The following HIF3A variants were observed in gnomAD, a reference collection of about 807,000 sequenced individuals.
The protein encoded by HIF3A is hypoxia inducible factor 3 subunit alpha, also known as hypoxia-inducible factor 3-alpha.
In HIF3A, 41 loss-of-function variants were observed where a neutral mutation model predicts 67.2. That is an observed-to-expected ratio of 0.61 (90% CI 0.48 to 0.79). The LOEUF is 0.79. HIF3A is among the 30% of genes least tolerant of loss of function. The probability of loss-of-function intolerance (pLI) is 0.00; values close to 1 mark genes in which losing one functional copy is unlikely to be tolerated. For synonymous variants in HIF3A, 356 were observed against 374.8 expected, an observed-to-expected ratio of 0.95 and a Z score of 0.58; for missense variants, 855 against 898.0, an observed-to-expected ratio of 0.95 and a Z score of 0.61.
chr19:46,334,414 TG>T (rs1971467886), intron 13 of HIF3A, among the ~76,000 whole-genome samples: 1 of 152,110 alleles, frequency 6.6e-6, no homozygotes, highest in South Asian at 2.1e-4. Context: ...TAAATTTTTT[TG>T]TAGAGATAGG....
intron 5 of HIF3A, 107 bp downstream of exon 5, chr19:46,308,882 T>G: frequency 1.3e-6 from 1 of 780,280 alleles, no homozygotes; most frequent in Non-Finnish European, 2.1e-6. Flanking sequence ...CTGGGGACCC[T>G]GCGGGGCTCA....
At chr19:46,319,745 G>A (rs73940669) in intron 8 of HIF3A, among the ~76,000 whole-genome samples, 2 of 151,872 alleles carry the variant, frequency 1.3e-5, no homozygotes, top group East Asian at 3.9e-4. Flanking sequence ...CGCTCACCCC[G>A]CTCTTTGCCC....
Position 46,312,718 on chromosome 19 carries a change from T to TTA in HIF3A, c.1025+65_1025+66insTA, listed in dbSNP as rs1406748035. The TTA allele has an allele frequency of 5.3e-5, 79 of 1,481,730 alleles. No individual in the cohort carries two copies. The African/African-American group carries it at 1.2e-3, about 22-fold the overall frequency. 91.8% of individuals were successfully genotyped at this position (1,481,730 alleles called of 1,614,324 possible). A position where few individuals can be genotyped will look rare whatever the true frequency, so the allele number is the denominator to read the frequency against. ...TGATCTGCATGTGTGGACAGGTGTG[T>TTA]GTGTGTGTGTGTGTGTGTGCGTATG... On this transcript the variant is annotated intron_variant, in intron 8 of 14. Transcript: ENST00000377670.
chr19:46,297,336 C>T lies in HIF3A; in HGVS notation c.26+234C>T, dbSNP rs1222148397. Among the ~76,000 whole-genome samples the T allele has an allele frequency of 6.6e-6, 1 of 152,108 alleles. No individual in the cohort carries two copies. The highest frequency in any genetic ancestry group is 1.5e-5 in the Non-Finnish European group (1 of 67,998). On this transcript the variant is annotated intron_variant, in intron 1 of 14. Transcript: ENST00000377670. The surrounding 1 kb of genome is among the most constrained non-coding windows in gnomAD (Gnocchi z 4.5). ...CTGGCCAAGAGCGGCTTCGGGGTTCCCGATTTCTCGCTACCCAAGGCTCAT... is the reference window on the plus strand; with the variant it reads ...CTGGCCAAGAGCGGCTTCGGGGTTCTCGATTTCTCGCTACCCAAGGCTCAT...
intron 1 of HIF3A, among the ~76,000 whole-genome samples, chr19:46,301,890 G>A (rs1968371515): frequency 6.6e-6 from 1 of 151,294 alleles, no homozygotes; most frequent in South Asian, 2.1e-4. Flanking sequence ...CCCTCCTAGG[G>A]GTCCCCTGAG....
At chr19:46,304,261 C>A (rs963729509) in intron 2 of HIF3A, 173 bp downstream of exon 2, 33 of 612,916 alleles carry the variant, frequency 5.4e-5, no homozygotes, top group Non-Finnish European at 9.5e-5. Flanking sequence ...CCGGGGAGGC[C>A]CCGCCCCCTT....
rs541775357 is a variant in HIF3A, at chr19:46,320,444, C to T, written c.1027C>T (p.Gln343Ter). ...CTCCCTTTCTGCCTTGTACCCCAGC[C>T]AGGTGGAAGAGACCGGAGTGGTGCT... ...SIVCVHFLIS[Q>*]VEETGVVLSL... The change falls in exon 9 of 15, where the codon CAG becomes TAG. Residue 343 changes from glutamine (Q) to a stop codon, truncating the protein, a stop_gained and splice_region_variant. Transcript: ENST00000377670. LOFTEE classifies it high-confidence loss of function. The T allele has an allele frequency of 7.4e-6, 12 of 1,612,900 alleles. No individual in the cohort carries two copies. The highest frequency in any genetic ancestry group is 2.2e-5 in the East Asian group (1 of 44,866).
chr19:46,299,177 G>C (rs989262387), intron 1 of HIF3A, among the ~76,000 whole-genome samples: 7 of 152,246 alleles, frequency 4.6e-5, no homozygotes, highest in Non-Finnish European at 1.5e-5. Flanking sequence ...GCTGGGCAGA[G>C]TGCCAGGGGG....
At chr19:46,310,024 AGAC>A (rs1969290874) in intron 6 of HIF3A, among the ~76,000 whole-genome samples, 1 of 152,176 alleles carries the variant, frequency 6.6e-6, no homozygotes. Flanking sequence ...CAGGAGTTCA[AGAC>A]CAGCCTGGCC....
intron 13 of HIF3A, among the ~76,000 whole-genome samples, chr19:46,331,823 C>T (rs956611800): frequency 1.4e-5 from 2 of 143,546 alleles, no homozygotes; most frequent in Admixed American, 1.4e-4. Flanking sequence ...CCACTGCAGT[C>T]CAGTCTAGGC....
chr19:46,304,074 G>T lies in HIF3A; in HGVS notation c.203G>T (p.Arg68Leu). Residue 68 changes from arginine to leucine, a missense_variant, in exon 2 of 15, where the codon CGC becomes CTC. This residue lies in a region of HIF3A where 638 missense variants were observed against 660.5 expected (regional missense o/e 0.97). Transcript: ENST00000377670. ...ACCATCAGCTACCTGCGCATGCACCGCCTCTGCGCCGCAGGTGAGCCCCGC... is the reference window on the plus strand; with the variant it reads ...ACCATCAGCTACCTGCGCATGCACCTCCTCTGCGCCGCAGGTGAGCCCCGC... Reference protein sequence around the residue: ...RLTISYLRMHRLCAAGEWNQV... With the variant: ...RLTISYLRMHLLCAAGEWNQV... The T allele has an allele frequency of 6.4e-7, 1 of 1,569,740 alleles. No homozygotes were observed. The highest frequency in any genetic ancestry group is 8.6e-7 in the Non-Finnish European group (1 of 1,159,124).
chr19:46,326,710 C>T (rs923055937), intron 11 of HIF3A, among the ~76,000 whole-genome samples: 1 of 152,166 alleles, frequency 6.6e-6, no homozygotes, highest in African/African-American at 2.4e-5. Flanking sequence ...AGTCATCTGT[C>T]ACCCACATAC....
At chr19:46,326,981 G>T (rs1328644040) in intron 11 of HIF3A, among the ~76,000 whole-genome samples, 1 of 152,034 alleles carries the variant, frequency 6.6e-6, no homozygotes, top group African/African-American at 2.4e-5. Flanking sequence ...GTGAAACCCT[G>T]TCTCTACTAA....
intron 10 of HIF3A, among the ~76,000 whole-genome samples, chr19:46,324,925 T>C (rs149127700): frequency 7.0e-6 from 1 of 143,732 alleles, no homozygotes; most frequent in African/African-American, 2.6e-5. Flanking sequence ...CACATATATA[T>C]ATACACATAT....
chr19:46,298,845 C>T (rs1355938023), intron 1 of HIF3A, among the ~76,000 whole-genome samples: 1 of 152,096 alleles, frequency 6.6e-6, no homozygotes, highest in Non-Finnish European at 1.5e-5. Context: ...CCAGCTACAA[C>T]CTAAACCCCC....
At chr19:46,311,215 C>G (rs1000300563) in intron 6 of HIF3A, among the ~76,000 whole-genome samples, 1 of 152,072 alleles carries the variant, frequency 6.6e-6, no homozygotes, top group Non-Finnish European at 1.5e-5. Context: ...TATTAGTTCC[C>G]TGTTGCTGCT....
rs1568515886 is a variant in HIF3A, at chr19:46,312,621, G to GGA, written c.997_998dup (p.Ser333ArgfsTer9). On this transcript the variant is annotated frameshift_variant, in exon 8 of 15. Coordinates refer to ENST00000377670, the MANE Select transcript of HIF3A (RefSeq NM_152795.4). LOFTEE classifies it high-confidence loss of function. The stretch of plus-strand genomic sequence containing the variant: ...TGTCAGGGGGACGGGGCCCCCAGTC[G>GGA]GAGAGTATCGTCTGTGTCCATTTTT... The GGA allele has an allele frequency of 1.3e-6, 2 of 1,584,872 alleles. No homozygotes were observed. The highest frequency in any genetic ancestry group is 1.8e-5 in the Admixed American group (1 of 55,552).
rs1381577719 is a variant in HIF3A, at chr19:46,297,511, TGC to T, written c.26+410_26+411del. 1.3e-5 allele frequency among the ~76,000 whole-genome samples: 2 copies of T among 152,108 alleles called. No individual in the cohort carries two copies. The highest frequency in any genetic ancestry group is 2.9e-5 in the Non-Finnish European group (2 of 67,988). On this transcript the variant is annotated intron_variant, in intron 1 of 14. Coordinates refer to ENST00000377670, the MANE Select transcript of HIF3A (RefSeq NM_152795.4). This position sits in a 1 kb window ranked among gnomAD's most constrained non-coding sequence, Gnocchi z 4.5. ...ACCCCCCAAAATTGAGGGTATTCTT[TGC>T]CACCAGGTGCCTGGGATCCTAGGTG... is the stretch of plus-strand genomic sequence containing the variant.
At position 46,297,980 on chromosome 19, in the gene HIF3A, G is replaced by A. The variant is rs1160372391; in HGVS notation, c.26+878G>A. Among the ~76,000 whole-genome samples, 1 of 152,112 alleles carries A rather than the reference G, an allele frequency of 6.6e-6. No individual in the cohort carries two copies. The highest frequency in any genetic ancestry group is 2.4e-5 in the African/African-American group (1 of 41,420). Reference sequence around the variant, plus strand: ...CATCCCGGGCAGAGGGTGGGTTTCTGGGTTCACTTGCCCAGCAGGTGCAGC... The same window carrying A: ...CATCCCGGGCAGAGGGTGGGTTTCTAGGTTCACTTGCCCAGCAGGTGCAGC... On this transcript the variant is annotated intron_variant, in intron 1 of 14. Coordinates refer to ENST00000377670, the MANE Select transcript of HIF3A (RefSeq NM_152795.4). The surrounding 1 kb of genome is among the most constrained non-coding windows in gnomAD (Gnocchi z 4.5).
Sources: gnomAD v4.1 joint callset for allele counts (sites outside exome capture counted in the v4.1 genomes callset) on GRCh38, gnomAD v4.1.1 for gene constraint, gnomAD v4.1.1 regional missense constraint, Gnocchi (gnomAD v3.1) non-coding constraint, MANE v1.5 for transcripts, NCBI Gene and HGNC (gene_info 2026-07-23, HGNC 2026-07-21) for gene names.